DCDC1: variants seen among roughly 807,000 people sequenced by gnomAD.
DCDC1 encodes doublecortin domain-containing protein 1.
In DCDC1, 200 loss-of-function variants were observed where a neutral mutation model predicts 178.3. That is an observed-to-expected ratio of 1.12 (90% CI 1.00 to 1.26). The LOEUF (loss-of-function observed/expected upper bound fraction) is 1.26, where lower values mean the gene tolerates loss of function less well. Ranked by LOEUF, DCDC1 falls within the 50% of genes most tolerant of loss-of-function variation. DCDC1 has a pLI of 0.00. For missense variants in DCDC1, 1,983 were observed against 1,749.2 expected (o/e 1.13, Z -2.38); for synonymous variants, 690 against 604.8 (o/e 1.14, Z -2.07).
In DCDC1 at chr11:30,864,087, A is replaced by T. The variant is rs1940813126; in HGVS notation, c.*1286T>A. On this transcript the variant is annotated 3_prime_UTR_variant, in exon 39 of 39. Transcript: ENST00000684477. ...GCTTGTAGTGAGCTGAGATCGCGCC[A>T]CTGAACTCCAGACTGGGCAACAGAG... 6.6e-6 allele frequency: 1 copy of T among 152,174 alleles called. No individual in the cohort carries two copies. Among genetic ancestry groups the T allele is most frequent in the South Asian group, 2.1e-4 (1 of 4,826 alleles). The allele number at this position is 152,174 out of a possible 1,614,324, so 9.4% of individuals were successfully genotyped here. A position where few individuals can be genotyped will look rare whatever the true frequency, so the allele number is the denominator to read the frequency against.
chr11:31,341,392 T>TAGAC (rs767844600), intron 1 of DCDC1, among the ~76,000 whole-genome samples: 31 of 131,406 alleles, frequency 2.4e-4, no homozygotes, highest in Admixed American at 4.9e-4. Flanking sequence ...TATAGATAGA[T>TAGAC]AGATAGATAG....
chr11:31,069,140 C>A (rs573834500), intron 18 of DCDC1, among the ~76,000 whole-genome samples: 2 of 152,020 alleles, frequency 1.3e-5, no homozygotes, highest in Non-Finnish European at 2.9e-5. Flanking sequence ...CATGAGCCAC[C>A]GCGCCTGGCC....
intron 1 of DCDC1, among the ~76,000 whole-genome samples, chr11:31,340,764 C>T (rs1270772088): frequency 6.6e-6 from 1 of 152,138 alleles, no homozygotes; most frequent in Non-Finnish European, 1.5e-5. Flanking sequence ...AAGTCTCTAG[C>T]CTGCCAGCCT....
chr11:30,937,176 C>T (rs1011393018), intron 21 of DCDC1, among the ~76,000 whole-genome samples: 2 of 152,098 alleles, frequency 1.3e-5, no homozygotes, highest in Non-Finnish European at 2.9e-5. Flanking sequence ...GTTGTGGTTC[C>T]ATTTAACATT....
chr11:30,903,513 TC>T lies in DCDC1; in HGVS notation c.4478del (p.Gly1493GlufsTer5). Reference protein sequence around the residue: ...EKQKQDAAPVGKEQIIVESME... With the variant: ...EKQKQDAAPVXKEQIIVESME... ...TACTTTCAACAATTATCTGTTCTTTTCCAACAGGAGCTGCATCTTGCTTTTG... is the reference window on the plus strand; with the variant it reads ...TACTTTCAACAATTATCTGTTCTTTTCAACAGGAGCTGCATCTTGCTTTTG... On this transcript the variant is annotated frameshift_variant, in exon 32 of 39. Transcript: ENST00000684477. LOFTEE classifies it high-confidence loss of function. The T allele has an allele frequency of 1.2e-6, 2 of 1,601,788 alleles. No homozygotes were observed. Among genetic ancestry groups the T allele is most frequent in the Non-Finnish European group, 1.7e-6 (2 of 1,173,530 alleles).
intron 15 of DCDC1, among the ~76,000 whole-genome samples, chr11:31,097,301 C>T (rs557370163): frequency 6.6e-6 from 1 of 152,264 alleles, no homozygotes; most frequent in South Asian, 2.1e-4. Flanking sequence ...TCTTCTCTTG[C>T]ACATTTACTA....
At chr11:31,240,658 A>T (rs1378259160) in intron 9 of DCDC1, among the ~76,000 whole-genome samples, 1 of 152,046 alleles carries the variant, frequency 6.6e-6, no homozygotes, top group African/African-American at 2.4e-5. Flanking sequence ...GGAACCTCCC[A>T]GTTCAAAATA....
chr11:31,261,942 C>T (rs1365117330), intron 8 of DCDC1, among the ~76,000 whole-genome samples: 1 of 151,742 alleles, frequency 6.6e-6, no homozygotes, highest in Admixed American at 6.6e-5. Flanking sequence ...TTCCATGTGG[C>T]CTCACATAAA....
intron 8 of DCDC1, among the ~76,000 whole-genome samples, chr11:31,253,875 C>A (rs780223583): frequency 6.6e-6 from 1 of 152,160 alleles, no homozygotes; most frequent in African/African-American, 2.4e-5. Context: ...ACACTTCCCA[C>A]CTTATTCATG....
chr11:31,359,930 T>G (rs1201036305), intron 1 of DCDC1, among the ~76,000 whole-genome samples: 1 of 152,220 alleles, frequency 6.6e-6, no homozygotes, highest in African/African-American at 2.4e-5. Context: ...CCTCTGTCTC[T>G]TCCCAGTCTC....
At chr11:31,218,168 AT>A (rs1234888516) in intron 9 of DCDC1, among the ~76,000 whole-genome samples, 2 of 152,188 alleles carry the variant, frequency 1.3e-5, no homozygotes, top group Admixed American at 6.5e-5. Context: ...ATAATTACAG[AT>A]TTTTTTAATT....
chr11:31,191,608 A>T (rs950419147), intron 9 of DCDC1, among the ~76,000 whole-genome samples: 2 of 152,072 alleles, frequency 1.3e-5, no homozygotes, highest in African/African-American at 4.8e-5. Context: ...TTCTCATTAA[A>T]TCATGAGTGT....
At chr11:31,123,168 T>C (rs537702226) in intron 11 of DCDC1, among the ~76,000 whole-genome samples, 3 of 152,224 alleles carry the variant, frequency 2.0e-5, no homozygotes, top group South Asian at 2.1e-4. Context: ...CCCTCATTTA[T>C]AGTATTTGCC....
At chr11:31,111,955 A>T (rs1959183909) in intron 11 of DCDC1, among the ~76,000 whole-genome samples, 1 of 152,172 alleles carries the variant, frequency 6.6e-6, no homozygotes, top group Admixed American at 6.5e-5. Context: ...TTAGCTCACT[A>T]CTTTCTTCAC....
intron 31 of DCDC1, 39 bp downstream of exon 31, chr11:30,904,922 T>G: frequency 6.2e-7 from 1 of 1,610,628 alleles, no homozygotes; most frequent in Non-Finnish European, 8.5e-7. Context: ...TGTCATTACC[T>G]CTGAAGATGC....
intron 11 of DCDC1, among the ~76,000 whole-genome samples, chr11:31,124,217 T>C (rs1961252084): frequency 6.6e-6 from 1 of 152,002 alleles, no homozygotes; most frequent in Non-Finnish European, 1.5e-5. Flanking sequence ...TTATTGAGAG[T>C]TTTTAACATA....
intron 20 of DCDC1, among the ~76,000 whole-genome samples, chr11:30,969,157 T>A (rs1041056315): frequency 9.2e-5 from 14 of 152,196 alleles, no homozygotes; most frequent in African/African-American, 3.4e-4. Context: ...CACACCCTAA[T>A]TCCTAAAACA....
intron 20 of DCDC1, among the ~76,000 whole-genome samples, chr11:30,953,377 GA>G (rs1183353213): frequency 1.3e-5 from 2 of 150,368 alleles, no homozygotes; most frequent in African/African-American, 4.9e-5. Flanking sequence ...AGATGGGGGG[GA>G]AAAATGTGAT....
chr11:31,255,388 G>T (rs1170734873), intron 8 of DCDC1, among the ~76,000 whole-genome samples: 1 of 152,144 alleles, frequency 6.6e-6, no homozygotes, highest in Non-Finnish European at 1.5e-5. Context: ...GTTTTCCAAA[G>T]TGGCTGCACC....
Sources: allele counts gnomAD v4.1 joint callset (sites outside exome capture counted in the v4.1 genomes callset), GRCh38; gene constraint gnomAD v4.1.1; transcripts MANE v1.5; gene names NCBI Gene and HGNC (gene_info 2026-07-23, HGNC 2026-07-21).